KCNQ1OT1: variants seen among roughly 807,000 people sequenced by gnomAD.
KCNQ1OT1 encodes the protein KCNQ1 opposite strand/antisense transcript 1.
chr11:2,688,414 G>A (rs964311411), exon 1 of KCNQ1OT1: 1 of 398,650 alleles, frequency 2.5e-6, no homozygotes, highest in African/African-American at 2.1e-5. Flanking sequence ...CCTCTGTGTA[G>A]GCACTGGGCC....
exon 1 of KCNQ1OT1, chr11:2,622,069 T>G: frequency 2.5e-6 from 1 of 398,362 alleles, no homozygotes; most frequent in Non-Finnish European, 4.4e-6. Context: ...TATGTTGTGT[T>G]CCCACTGTCA....
Position 2,617,976 on chromosome 11 carries a change from C to A in KCNQ1OT1, n.82019G>T, listed in dbSNP as rs1589984275. The A allele has an allele frequency of 5.0e-6, 2 of 398,406 alleles. No individual in the cohort carries two copies. The highest frequency in any genetic ancestry group is 3.6e-5 in the East Asian group (1 of 28,078). The allele number at this position is 398,406 out of a possible 1,614,324, so 24.7% of individuals were successfully genotyped here. A position where few individuals can be genotyped will look rare whatever the true frequency, so the allele number is the denominator to read the frequency against. ...TGGTTGGCAAATATTTTCTTCTAGT[C>A]CATAGGTTGCCTTTTCCTTTTGTTG... On this transcript the variant is annotated non_coding_transcript_exon_variant, in exon 1 of 1. Transcript: ENST00000597346. The surrounding 1 kb of genome is among the most constrained non-coding windows in gnomAD (Gnocchi z 4.6).
exon 1 of KCNQ1OT1, chr11:2,639,379 G>C (rs779580672): frequency 1.3e-5 from 2 of 152,238 alleles, no homozygotes; most frequent in African/African-American, 4.8e-5. Context: ...GTGACGTATA[G>C]ATGGAGTTTT....
Position 2,665,188 on chromosome 11 carries a change from G to A in KCNQ1OT1, n.34807C>T, listed in dbSNP as rs11821870. On this transcript the variant is annotated non_coding_transcript_exon_variant, in exon 1 of 1. Coordinates refer to ENST00000597346, the Ensembl canonical transcript of KCNQ1OT1. Reference sequence around the variant, plus strand: ...CTCTGGGCGGCCAGGACTCAGCCTCGAACACACCTTTCAGGCAGAAGCTGT... The same window carrying A: ...CTCTGGGCGGCCAGGACTCAGCCTCAAACACACCTTTCAGGCAGAAGCTGT... 2,726 of 398,606 alleles carry A rather than the reference G, an allele frequency of 6.8e-3. 71 individuals are homozygous for A. Among genetic ancestry groups the A allele is most frequent in the African/African-American group, 0.05 (2,426 of 48,656 alleles). The allele number at this position is 398,606 out of a possible 1,614,324, so 24.7% of individuals were successfully genotyped here. A position where few individuals can be genotyped will look rare whatever the true frequency, so the allele number is the denominator to read the frequency against.
Position 2,657,275 on chromosome 11 carries a change from A to G in KCNQ1OT1, n.42720T>C, listed in dbSNP as rs185007194. On this transcript the variant is annotated non_coding_transcript_exon_variant, in exon 1 of 1. Transcript: ENST00000597346. The surrounding 1 kb of genome is among the most constrained non-coding windows in gnomAD (Gnocchi z 4.8). ...ACACAGAAGCCTTGAGATTTTTATT[A>G]AGATTTGGAGAGATTTATTCAGATT... The G allele has an allele frequency of 2.5e-6, 1 of 398,612 alleles. No homozygotes were observed. Among genetic ancestry groups the G allele is most frequent in the East Asian group, 3.6e-5 (1 of 28,080 alleles). 24.7% of individuals were successfully genotyped at this position (398,612 alleles called of 1,614,324 possible).
chr11:2,625,580 T>TC (rs1564837292), exon 1 of KCNQ1OT1: 2 of 12,888 alleles, frequency 1.6e-4, no homozygotes. Context: ...CCTTTGCCCT[T>TC]TTTTTTTTTT....
In KCNQ1OT1 at chr11:2,679,915, G is replaced by T. The variant is rs571707236; in HGVS notation, n.20080C>A. ...TTTTTTTATTTTTATTTTTTTTGAG[G>T]CAGAGTCTCACTTTGTCACCTAGGC... On this transcript the variant is annotated non_coding_transcript_exon_variant, in exon 1 of 1. Transcript: ENST00000597346. This position sits in a 1 kb window ranked among gnomAD's most constrained non-coding sequence, Gnocchi z 4.8. 1.3e-5 allele frequency: 5 copies of T among 396,826 alleles called. No individual in the cohort carries two copies. In the Admixed American group the frequency reaches 2.2e-4, roughly 18 times the overall value. The allele number at this position is 396,826 out of a possible 1,614,324, so 24.6% of individuals were successfully genotyped here.
In KCNQ1OT1 at chr11:2,642,795, T is replaced by G. The variant is rs986477148; in HGVS notation, n.57200A>C. ...TTTTCTACCTTTTTTAATGGAGGCA[T>G]TTATTACAATAAACTTTCCTCTTAG... On this transcript the variant is annotated non_coding_transcript_exon_variant, in exon 1 of 1. Coordinates refer to ENST00000597346, the Ensembl canonical transcript of KCNQ1OT1. The surrounding 1 kb of genome is among the most constrained non-coding windows in gnomAD (Gnocchi z 4.3). 2.5e-6 allele frequency: 1 copy of G among 397,862 alleles called. No homozygotes were observed. Among genetic ancestry groups the G allele is most frequent in the Non-Finnish European group, 4.4e-6 (1 of 225,656 alleles). The allele number at this position is 397,862 out of a possible 1,614,324, so 24.6% of individuals were successfully genotyped here.
chr11:2,681,875 A>G (rs1414630245), exon 1 of KCNQ1OT1: 3 of 398,412 alleles, frequency 7.5e-6, no homozygotes, highest in East Asian at 3.6e-5. Context: ...CAGCACTACC[A>G]TCTAGGTGGG....
exon 1 of KCNQ1OT1, chr11:2,630,381 T>C (rs1299408772): frequency 5.0e-6 from 2 of 398,164 alleles, no homozygotes; most frequent in Non-Finnish European, 4.4e-6. Context: ...TCTTTTCTTA[T>C]ATTGTCCTTG....
exon 1 of KCNQ1OT1, chr11:2,688,931 C>T (rs371249618): frequency 1.0e-5 from 4 of 398,752 alleles, no homozygotes; most frequent in African/African-American, 2.1e-5. Context: ...GCCTGTCTCA[C>T]AGGCTGTCAC....
exon 1 of KCNQ1OT1, chr11:2,628,226 T>C (rs181435610): frequency 1.1e-4 from 43 of 398,636 alleles, no homozygotes; most frequent in Admixed American, 4.4e-5. Context: ...TTTTCCATAA[T>C]GACTGTATCA....
Position 2,669,352 on chromosome 11 carries a change from A to G in KCNQ1OT1, n.30643T>C. 1 of 398,640 alleles carries G rather than the reference A, an allele frequency of 2.5e-6. No homozygotes were observed. The highest frequency in any genetic ancestry group is 6.3e-4 in the Middle Eastern group (1 of 1,588). The allele number at this position is 398,640 out of a possible 1,614,324, so 24.7% of individuals were successfully genotyped here. On this transcript the variant is annotated non_coding_transcript_exon_variant, in exon 1 of 1. Transcript: ENST00000597346. This position sits in a 1 kb window ranked among gnomAD's most constrained non-coding sequence, Gnocchi z 5.6. ...TAGGCGCAGCAGCCTCTAGATGGGC[A>G]TGGGAGAATGGGTATCCTTATAGTT...
At chr11:2,609,089 C>T (rs1848932410) in exon 1 of KCNQ1OT1, 1 of 397,876 alleles carries the variant, frequency 2.5e-6, no homozygotes, top group African/African-American at 2.1e-5. Context: ...GTTTGCTCTT[C>T]TTTTTCTAGT....
At chr11:2,686,299 G>GACCACAC in exon 1 of KCNQ1OT1, 1 of 398,720 alleles carries the variant, frequency 2.5e-6, no homozygotes, top group Non-Finnish European at 4.4e-6. Context: ...CCAGACCACA[G>GACCACAC]ACCACACTAG....
chr11:2,645,587 C>G lies in KCNQ1OT1; in HGVS notation n.54408G>C. 1 of 398,710 alleles carries G rather than the reference C, an allele frequency of 2.5e-6. No individual in the cohort carries two copies. Among genetic ancestry groups the G allele is most frequent in the Non-Finnish European group, 4.4e-6 (1 of 226,126 alleles). The allele number at this position is 398,710 out of a possible 1,614,324, so 24.7% of individuals were successfully genotyped here. On this transcript the variant is annotated non_coding_transcript_exon_variant, in exon 1 of 1. Coordinates refer to ENST00000597346, the Ensembl canonical transcript of KCNQ1OT1. The surrounding 1 kb of genome is among the most constrained non-coding windows in gnomAD (Gnocchi z 5.8). ...GCTATAAACAGGCAGTTGGGCAATG[C>G]ATGCTTCGGCCCCAGGTGGTGACTA...
Position 2,677,554 on chromosome 11 carries a change from A to G in KCNQ1OT1, n.22441T>C, listed in dbSNP as rs1478932024. The G allele has an allele frequency of 5.0e-6, 2 of 398,512 alleles. No individual in the cohort carries two copies. Among genetic ancestry groups the G allele is most frequent in the African/African-American group, 4.1e-5 (2 of 48,640 alleles). 24.7% of individuals were successfully genotyped at this position (398,512 alleles called of 1,614,324 possible). On this transcript the variant is annotated non_coding_transcript_exon_variant, in exon 1 of 1. Coordinates refer to ENST00000597346, the Ensembl canonical transcript of KCNQ1OT1. This position sits in a 1 kb window ranked among gnomAD's most constrained non-coding sequence, Gnocchi z 4.5. ...TGCCAAGTATAAAAGATGCCCTCAG[A>G]TGTTACCATATAATGCTTTACAAAA...
chr11:2,627,062 G>A lies in KCNQ1OT1; in HGVS notation n.72933C>T, dbSNP rs1426046374. 2.5e-6 allele frequency: 1 copy of A among 398,412 alleles called. No homozygotes were observed. The highest frequency in any genetic ancestry group is 2.1e-5 in the African/African-American group (1 of 48,600). 24.7% of individuals were successfully genotyped at this position (398,412 alleles called of 1,614,324 possible). ...GCCTTCCAATCCATGAACATAGGAG[G>A]TGTTTTCCCTTTATGTCTACTTTAA... On this transcript the variant is annotated non_coding_transcript_exon_variant, in exon 1 of 1. Transcript: ENST00000597346. This position sits in a 1 kb window ranked among gnomAD's most constrained non-coding sequence, Gnocchi z 4.9.
Position 2,654,076 on chromosome 11 carries a change from A to T in KCNQ1OT1, n.45919T>A. ...TGTGGGAATGGCTTTTACACTTTCC[A>T]TCCATGTCCCTTACTTCTCGCCTCT... On this transcript the variant is annotated non_coding_transcript_exon_variant, in exon 1 of 1. Coordinates refer to ENST00000597346, the Ensembl canonical transcript of KCNQ1OT1. The surrounding 1 kb of genome is among the most constrained non-coding windows in gnomAD (Gnocchi z 6.4). 1 of 398,692 alleles carries T rather than the reference A, an allele frequency of 2.5e-6. No homozygotes were observed. Among genetic ancestry groups the T allele is most frequent in the Non-Finnish European group, 4.4e-6 (1 of 226,128 alleles). 24.7% of individuals were successfully genotyped at this position (398,692 alleles called of 1,614,324 possible).
Sources: gnomAD v4.1 joint callset for allele counts on GRCh38, gnomAD v4.1.1 for gene constraint, Gnocchi (gnomAD v3.1) non-coding constraint, MANE v1.5 for transcripts, NCBI Gene and HGNC (gene_info 2026-07-23, HGNC 2026-07-21) for gene names.